The following MCPH1 variants were observed in gnomAD, a reference collection of about 807,000 sequenced individuals.
The protein encoded by MCPH1 is microcephalin 1.
In MCPH1, 104 loss-of-function variants were observed where a neutral mutation model predicts 84.5. The ratio of observed to expected loss-of-function variants is 1.23; its 90% confidence interval spans 1.05 to 1.45. The LOEUF (loss-of-function observed/expected upper bound fraction) is 1.45. MCPH1 is among the 40% of genes most tolerant of loss of function. The pLI, the probability that MCPH1 is intolerant of heterozygous loss-of-function variation, is 0.00. For synonymous variants in MCPH1, 514 were observed against 366.8 expected (o/e 1.40, Z -4.58); for missense variants, 1,498 against 1,005.7 (o/e 1.49, Z -6.62).
At chr8:6,642,522 A>G (rs113913712) in intron 13 of MCPH1, among the ~76,000 whole-genome samples, 1 of 152,228 alleles carries the variant, frequency 6.6e-6, no homozygotes, top group African/African-American at 2.4e-5. Context: ...GAATTCCATA[A>G]AAAATACCTA....
chr8:6,524,188 C>G (rs779674871), intron 12 of MCPH1, among the ~76,000 whole-genome samples: 1 of 152,148 alleles, frequency 6.6e-6, no homozygotes, highest in African/African-American at 2.4e-5. Context: ...AGGAAGGGGA[C>G]CTCATATTCC....
At chr8:6,446,961 TG>T in intron 8 of MCPH1, 1 of 985,268 alleles carries the variant, frequency 1.0e-6, no homozygotes. Flanking sequence ...GGCACCCTGG[TG>T]GGGACGGAGA....
intron 3 of MCPH1, among the ~76,000 whole-genome samples, chr8:6,426,273 A>T (rs915451786): frequency 2.6e-5 from 4 of 152,178 alleles, no homozygotes; most frequent in African/African-American, 9.7e-5. Context: ...TACCTGTGTC[A>T]CCACCACAAC....
Position 6,625,958 on chromosome 8 carries a change from A to G in MCPH1, c.2452+4267A>G, listed in dbSNP as rs1042632341. The stretch of plus-strand genomic sequence containing the variant: ...TTTTCCTTTCTTTATTATTATTAGT[A>G]TTCTGTGGCCAGAGGAGGGAAAGGA... On this transcript the variant is annotated intron_variant, in intron 13 of 13. Coordinates refer to ENST00000344683, the MANE Select transcript of MCPH1 (RefSeq NM_024596.5). 6.1e-6 allele frequency: 6 copies of G among 984,794 alleles called. No individual in the cohort carries two copies. The African/African-American group carries it at 1.1e-4, about 17-fold the overall frequency. The allele number at this position is 984,794 out of a possible 1,614,324, so 61.0% of individuals were successfully genotyped here.
At chr8:6,521,271 T>A in intron 12 of MCPH1, 4 of 1,613,918 alleles carry the variant, frequency 2.5e-6, no homozygotes, top group Admixed American at 1.7e-5. Flanking sequence ...ACCGTGGCAG[T>A]CACTATTTTT....
At chr8:6,558,112 A>G (rs1465100428) in intron 12 of MCPH1, among the ~76,000 whole-genome samples, 2 of 152,062 alleles carry the variant, frequency 1.3e-5, no homozygotes, top group Non-Finnish European at 2.9e-5. Context: ...ACCTCTCGTC[A>G]TGTCATTTTT....
intron 8 of MCPH1, among the ~76,000 whole-genome samples, chr8:6,447,782 C>T (rs895205348): frequency 6.6e-6 from 1 of 152,174 alleles, no homozygotes; most frequent in Admixed American, 6.5e-5. Flanking sequence ...AACTCGCGAC[C>T]TCATGATCTA....
chr8:6,438,910 A>G, intron 5 of MCPH1, 43 bp from the exon 6 acceptor site: 1 of 1,594,192 alleles, frequency 6.3e-7, no homozygotes, highest in Non-Finnish European at 8.6e-7. Context: ...TGAAGTATGA[A>G]GGCACTTTTT....
chr8:6,637,400 C>G (rs1299113907), intron 13 of MCPH1, among the ~76,000 whole-genome samples: 1 of 152,066 alleles, frequency 6.6e-6, no homozygotes, highest in Non-Finnish European at 1.5e-5. Flanking sequence ...ATTGGACTGG[C>G]CCTTCCAGGA....
chr8:6,521,400 T>C, intron 12 of MCPH1: 1 of 1,609,066 alleles, frequency 6.2e-7, no homozygotes, highest in South Asian at 1.1e-5. Context: ...AGCACCTTCT[T>C]TTCTAGGAAA....
At chr8:6,465,964 C>CATCCATCT (rs1204473855) in intron 9 of MCPH1, among the ~76,000 whole-genome samples, 1 of 150,588 alleles carries the variant, frequency 6.6e-6, no homozygotes, top group Non-Finnish European at 1.5e-5. Context: ...TCCATCCATC[C>CATCCATCT]ATCCATCCGA....
chr8:6,499,867 G>T lies in MCPH1; in HGVS notation c.2152G>T (p.Glu718Ter), dbSNP rs1811812165. 1 of 1,613,170 alleles carries T rather than the reference G, an allele frequency of 6.2e-7. No homozygotes were observed. Among genetic ancestry groups the T allele is most frequent in the Non-Finnish European group, 8.5e-7 (1 of 1,179,988 alleles). ...TCACTTGCAGGTGCTATGGTCTTTA[G>T]AATTGGGTCACTGGATTTCTGAGGA... is the stretch of plus-strand genomic sequence containing the variant. ...LSYDWVLWSLELGHWISEEPF... is the reference protein window; with the variant it reads ...LSYDWVLWSL The change falls in exon 12 of 14, where the codon GAA (glutamate) becomes TAA (stop). Residue 718 changes from glutamate (E) to a stop codon, truncating the protein, a stop_gained. Coordinates refer to ENST00000344683, the MANE Select transcript of MCPH1 (RefSeq NM_024596.5). LOFTEE classifies it high-confidence loss of function.
chr8:6,593,101 T>TTC (rs1554469457), intron 12 of MCPH1, among the ~76,000 whole-genome samples: 3 of 150,236 alleles, frequency 2.0e-5, no homozygotes, highest in Non-Finnish European at 3.0e-5. Context: ...TTTTTTTTTT[T>TTC]AGACAGAGTT....
chr8:6,488,253 G>T (rs755886033), intron 11 of MCPH1, among the ~76,000 whole-genome samples: 3 of 152,334 alleles, frequency 2.0e-5, no homozygotes, highest in East Asian at 3.9e-4. Context: ...CCCAAGGTGC[G>T]CATTTCCCAG....
intron 10 of MCPH1, among the ~76,000 whole-genome samples, chr8:6,480,043 C>G (rs532218073): frequency 7.4e-4 from 113 of 152,172 alleles, no homozygotes; most frequent in African/African-American, 2.6e-3. Context: ...TTCAAATAGG[C>G]CTGAAAAACA....
chr8:6,569,712 T>G (rs1054450917), intron 12 of MCPH1, among the ~76,000 whole-genome samples: 6 of 152,210 alleles, frequency 3.9e-5, no homozygotes, highest in African/African-American at 1.4e-4. Context: ...TAAGGAGAAT[T>G]GAAAGCAATA....
intron 12 of MCPH1, among the ~76,000 whole-genome samples, chr8:6,509,936 G>GC (rs913172474): frequency 2.0e-5 from 3 of 152,172 alleles, no homozygotes; most frequent in Admixed American, 2.0e-4. Flanking sequence ...TCATGAGGGA[G>GC]CATCGTGCCA....
At chr8:6,613,109 T>C (rs1830433494) in intron 12 of MCPH1, among the ~76,000 whole-genome samples, 1 of 151,846 alleles carries the variant, frequency 6.6e-6, no homozygotes, top group Non-Finnish European at 1.5e-5. Context: ...CAGCCTGGGG[T>C]TCTGAGGAAG....
rs570748659 is a variant in MCPH1, at chr8:6,564,624, C to A, written c.2215-56830C>A. Among the ~76,000 whole-genome samples the A allele has an allele frequency of 2.6e-5, 4 of 152,322 alleles. No individual in the cohort carries two copies. In the East Asian group the frequency reaches 7.7e-4, roughly 29 times the overall value. On this transcript the variant is annotated intron_variant, in intron 12 of 13. Transcript: ENST00000344683. ...TACAAGGTTTATTATTCCCAGTGAG[C>A]GCTGAATAGCTGGTACACTGACTTA...
Sources: gnomAD v4.1 joint callset for allele counts (sites outside exome capture counted in the v4.1 genomes callset) on GRCh38, gnomAD v4.1.1 for gene constraint, MANE v1.5 for transcripts, NCBI Gene and HGNC (gene_info 2026-07-23, HGNC 2026-07-21) for gene names.